The following SHISA9 variants were observed in gnomAD, a reference collection of about 807,000 sequenced individuals.
SHISA9 encodes the protein protein shisa-9.
In SHISA9, 13 loss-of-function variants were observed where a neutral mutation model predicts 38.0. That is an observed-to-expected ratio of 0.34 (90% CI 0.22 to 0.54). The LOEUF (loss-of-function observed/expected upper bound fraction) is 0.54. Among genes scored for constraint, SHISA9 ranks in the 20% least tolerant of loss-of-function variants. The probability of loss-of-function intolerance (pLI) is 0.91; values close to 1 mark genes in which losing one functional copy is unlikely to be tolerated. For missense variants in SHISA9, 538 were observed against 575.8 expected, an observed-to-expected ratio of 0.93 and a Z score of 0.67; for synonymous variants, 275 against 242.0, an observed-to-expected ratio of 1.14 and a Z score of -1.27.
chr16:13,384,682 G>T, the SHISA9 span, among the ~76,000 whole-genome samples: 2 of 152,182 alleles, frequency 1.3e-5, no homozygotes, highest in Admixed American at 1.3e-4. Flanking sequence ...TTTCTTCCGT[G>T]AAGGAAAATG....
chr16:13,347,155 A>C, the SHISA9 span, among the ~76,000 whole-genome samples: 1 of 152,140 alleles, frequency 6.6e-6, no homozygotes. Context: ...TTTTTATTTC[A>C]ACCAAAGAAA....
intron 2 of SHISA9, among the ~76,000 whole-genome samples, chr16:13,019,808 CTTT>C (rs2072806395): frequency 1.4e-5 from 2 of 140,752 alleles, no homozygotes; most frequent in Non-Finnish European, 3.1e-5. Flanking sequence ...TTCTTTCTTT[CTTT>C]CTTTCTTTCT....
intron 2 of SHISA9, among the ~76,000 whole-genome samples, chr16:13,174,002 G>C (rs2050710740): frequency 6.6e-6 from 1 of 152,006 alleles, no homozygotes; most frequent in African/African-American, 2.4e-5. Flanking sequence ...CCACAGTCTG[G>C]GACGTGCTGG....
the SHISA9 span, among the ~76,000 whole-genome samples, chr16:13,372,484 C>T: frequency 6.6e-6 from 1 of 152,168 alleles, no homozygotes; most frequent in Non-Finnish European, 1.5e-5. Context: ...CAAAAGGGAT[C>T]ATGGCATGGC....
At chr16:12,967,112 A>G (rs984023634) in intron 2 of SHISA9, among the ~76,000 whole-genome samples, 3 of 152,250 alleles carry the variant, frequency 2.0e-5, no homozygotes, top group Non-Finnish European at 4.4e-5. Flanking sequence ...ATGCACACGT[A>G]TGTTTATTGC....
the SHISA9 span, among the ~76,000 whole-genome samples, chr16:13,547,641 A>C: frequency 6.6e-6 from 1 of 152,148 alleles, no homozygotes; most frequent in Admixed American, 6.5e-5. Context: ...TCACATTGAT[A>C]AGGGGGGATA....
At chr16:13,310,538 A>G in the SHISA9 span, among the ~76,000 whole-genome samples, 1 of 152,130 alleles carries the variant, frequency 6.6e-6, no homozygotes, top group Non-Finnish European at 1.5e-5. Flanking sequence ...TAAGTCAATA[A>G]GGTTAGGATG....
intron 2 of SHISA9, among the ~76,000 whole-genome samples, chr16:13,165,447 T>A (rs1175374286): frequency 6.6e-6 from 1 of 152,226 alleles, no homozygotes; most frequent in Non-Finnish European, 1.5e-5. Flanking sequence ...TCAAATGAAG[T>A]AAAGGTAGTG....
At chr16:13,486,502 A>G in the SHISA9 span, among the ~76,000 whole-genome samples, 1 of 152,158 alleles carries the variant, frequency 6.6e-6, no homozygotes, top group African/African-American at 2.4e-5. Context: ...TTAACTTATT[A>G]TTTTGAAATA....
At chr16:13,182,758 G>A (rs2050788956) in intron 2 of SHISA9, among the ~76,000 whole-genome samples, 1 of 152,074 alleles carries the variant, frequency 6.6e-6, no homozygotes, top group Non-Finnish European at 1.5e-5. Flanking sequence ...ATGCATTTGA[G>A]AGAGGGAGAT....
chr16:13,188,084 A>C (rs2050845743), intron 2 of SHISA9, among the ~76,000 whole-genome samples: 1 of 152,090 alleles, frequency 6.6e-6, no homozygotes, highest in East Asian at 1.9e-4. Flanking sequence ...CATTTGTTAT[A>C]TTGCTTTCCT....
At chr16:13,440,918 GAAAAAAAAAAGA>G in the SHISA9 span, among the ~76,000 whole-genome samples, 5 of 142,738 alleles carry the variant, frequency 3.5e-5, no homozygotes, top group Middle Eastern at 3.6e-3. Flanking sequence ...AAGACTCTGG[GAAAAAAAAAAGA>G]AAAAAAAAAA....
intron 2 of SHISA9, among the ~76,000 whole-genome samples, chr16:13,115,615 G>A (rs944332362): frequency 6.6e-6 from 1 of 152,228 alleles, no homozygotes; most frequent in Non-Finnish European, 1.5e-5. Context: ...CAGTGCTGCA[G>A]AGATTTTATT....
the SHISA9 span, among the ~76,000 whole-genome samples, chr16:13,334,948 A>G: frequency 6.6e-6 from 1 of 152,102 alleles, no homozygotes; most frequent in Non-Finnish European, 1.5e-5. Flanking sequence ...CTTCCAGTTT[A>G]TGTGCTAGGA....
intron 2 of SHISA9, among the ~76,000 whole-genome samples, chr16:12,974,506 T>TTTTTTTTTTTC (rs2072129641): frequency 2.8e-5 from 3 of 105,586 alleles, no homozygotes; most frequent in African/African-American, 1.0e-4. Flanking sequence ...TTTTTTTTTT[T>TTTTTTTTTTTC]CCGGAGTTTC....
intron 2 of SHISA9, among the ~76,000 whole-genome samples, chr16:13,039,497 T>G (rs2073110346): frequency 6.6e-6 from 1 of 151,478 alleles, no homozygotes; most frequent in African/African-American, 2.4e-5. Flanking sequence ...TTTTTTTTTT[T>G]TTTTTTTTGA....
intron 2 of SHISA9, among the ~76,000 whole-genome samples, chr16:13,047,749 C>T (rs2073204035): frequency 6.6e-6 from 1 of 152,162 alleles, no homozygotes; most frequent in African/African-American, 2.4e-5. Flanking sequence ...ACTCGAGGCT[C>T]ACACAACCCT....
the SHISA9 span, among the ~76,000 whole-genome samples, chr16:13,528,465 T>G: frequency 6.6e-6 from 1 of 152,258 alleles, no homozygotes; most frequent in African/African-American, 2.4e-5. Flanking sequence ...TGAACGTGTC[T>G]TATTCTAAAA....
chr16:12,911,192 C>T, intron 1 of SHISA9: 1 of 941,474 alleles, frequency 1.1e-6, no homozygotes. Flanking sequence ...ATCTCAGGCC[C>T]CACCTCCTGC....
Sources: gnomAD v4.1 joint callset for allele counts (sites outside exome capture counted in the v4.1 genomes callset) on GRCh38, gnomAD v4.1.1 for gene constraint, MANE v1.5 for transcripts, NCBI Gene and HGNC (gene_info 2026-07-23, HGNC 2026-07-21) for gene names.